The following FLI1 variants were observed in gnomAD, a reference collection of about 807,000 sequenced individuals.
FLI1 encodes the protein Friend leukemia integration 1 transcription factor.
FLI1 carries 13 observed loss-of-function variants against 53.1 expected under a neutral mutation model. That is an observed-to-expected ratio of 0.24 (90% CI 0.16 to 0.39). The LOEUF (loss-of-function observed/expected upper bound fraction) is 0.39, where lower values mean the gene tolerates loss of function less well. Among genes scored for constraint, FLI1 ranks in the 10% least tolerant of loss-of-function variants. The probability of loss-of-function intolerance (pLI) is 1.00; values close to 1 mark genes in which losing one functional copy is unlikely to be tolerated. For synonymous variants in FLI1, 244 were observed against 236.7 expected, an observed-to-expected ratio of 1.03 and a Z score of -0.28; for missense variants, 424 against 600.5, an observed-to-expected ratio of 0.71 and a Z score of 3.07.
intron 1 of FLI1, among the ~76,000 whole-genome samples, chr11:128,753,011 A>T (rs2135798961): frequency 6.6e-6 from 1 of 152,282 alleles, no homozygotes; most frequent in Admixed American, 6.5e-5. Context: ...CTCAGATGCC[A>T]CCCCAAGCAG....
chr11:128,809,118 T>A (rs768282389), intron 7 of FLI1, 39 bp from the exon 8 acceptor site: 18 of 1,585,828 alleles, frequency 1.1e-5, no homozygotes, highest in African/African-American at 5.4e-5. Flanking sequence ...TCATATTTTT[T>A]AAAAACACTG....
chr11:128,778,613 T>C (rs1941816689), intron 4 of FLI1, among the ~76,000 whole-genome samples: 1 of 152,224 alleles, frequency 6.6e-6, no homozygotes, highest in Admixed American at 6.5e-5. Context: ...TGGCTCTGTA[T>C]GGCTTATGCA....
At chr11:128,786,053 G>C (rs781174319) in intron 5 of FLI1, among the ~76,000 whole-genome samples, 4 of 152,152 alleles carry the variant, frequency 2.6e-5, no homozygotes, top group Non-Finnish European at 5.9e-5. Flanking sequence ...AAAAAATACT[G>C]ATGCCCAAGT....
At chr11:128,758,745 T>C (rs1940995087) in intron 2 of FLI1, among the ~76,000 whole-genome samples, 1 of 152,134 alleles carries the variant, frequency 6.6e-6, no homozygotes, top group African/African-American at 2.4e-5. Flanking sequence ...AACCATTCTT[T>C]AGTAAGAGTG....
intron 5 of FLI1, among the ~76,000 whole-genome samples, chr11:128,788,321 TAGTC>T (rs1186258889): frequency 2.0e-5 from 3 of 151,784 alleles, no homozygotes; most frequent in Non-Finnish European, 2.9e-5. Context: ...AATAAAAAAT[TAGTC>T]AGGTGTGGTG....
chr11:128,715,358 G>T (rs1591747096), intron 1 of FLI1, among the ~76,000 whole-genome samples: 2 of 152,138 alleles, frequency 1.3e-5, no homozygotes, highest in Admixed American at 1.3e-4. Context: ...CGTATTGCTT[G>T]CCTGTTGTTT....
rs575124354 is a variant in FLI1, at chr11:128,780,474, A to G, written c.590-1484A>G. On this transcript the variant is annotated intron_variant, in intron 4 of 8. Transcript: ENST00000527786. ...GCCGAGCATGGTGGCACATGCCTGT[A>G]ATCCCAGCTACTGGGGAAGCTGAGG... Among the ~76,000 whole-genome samples the G allele has an allele frequency of 1.5e-3, 232 of 152,354 alleles. 2 individuals are homozygous for G. Among genetic ancestry groups the G allele is most frequent in the Admixed American group, 0.014 (209 of 15,304 alleles).
chr11:128,699,341 T>A (rs1018079389), intron 1 of FLI1, among the ~76,000 whole-genome samples: 9 of 152,086 alleles, frequency 5.9e-5, no homozygotes, highest in African/African-American at 2.2e-4. Context: ...AAGAAAAGAG[T>A]TGGGAAAATT....
intron 2 of FLI1, among the ~76,000 whole-genome samples, chr11:128,760,884 C>G (rs1034282004): frequency 2.1e-4 from 32 of 152,094 alleles, no homozygotes; most frequent in African/African-American, 7.7e-4. Flanking sequence ...ACCTCCACTG[C>G]CCCTGCCTGG....
At chr11:128,708,478 T>G (rs1421575558) in intron 1 of FLI1, among the ~76,000 whole-genome samples, 1 of 152,148 alleles carries the variant, frequency 6.6e-6, no homozygotes, top group Non-Finnish European at 1.5e-5. Context: ...CCCTCTAAAG[T>G]GCTAATGTGG....
chr11:128,784,889 G>A (rs1942038694), intron 5 of FLI1, among the ~76,000 whole-genome samples: 1 of 152,232 alleles, frequency 6.6e-6, no homozygotes, highest in African/African-American at 2.4e-5. Context: ...CTGTGTGTGA[G>A]TGCACACTGG....
upstream of FLI1, among the ~76,000 whole-genome samples, chr11:128,690,263 C>A (rs906636572): frequency 6.6e-6 from 1 of 152,234 alleles, no homozygotes; most frequent in Non-Finnish European, 1.5e-5. Flanking sequence ...TCCCCCTTTG[C>A]CAGCTCGGAT....
intron 1 of FLI1, among the ~76,000 whole-genome samples, chr11:128,756,870 C>T (rs974241919): frequency 7.2e-5 from 11 of 152,090 alleles, no homozygotes; most frequent in South Asian, 4.1e-4. Context: ...AGCAGATCTC[C>T]GGAATGTGCA....
chr11:128,739,066 ACCAAACT>A (rs1309445773), intron 1 of FLI1, among the ~76,000 whole-genome samples: 1 of 152,204 alleles, frequency 6.6e-6, no homozygotes, highest in Non-Finnish European at 1.5e-5. Flanking sequence ...GCGGATAAGC[ACCAAACT>A]CGATGTTTAT....
At chr11:128,806,363 T>C (rs1423592947) in intron 6 of FLI1, 1 of 152,186 alleles carries the variant, frequency 6.6e-6, no homozygotes, top group Non-Finnish European at 1.5e-5. Context: ...GAGTTAGCTC[T>C]GGAAGGAGAG....
intron 1 of FLI1, among the ~76,000 whole-genome samples, chr11:128,755,388 A>G (rs1216504532): frequency 6.6e-6 from 1 of 152,194 alleles, no homozygotes; most frequent in Non-Finnish European, 1.5e-5. Context: ...CTGAAATGTC[A>G]TCTGTTTTTG....
intron 5 of FLI1, chr11:128,803,995 C>T (rs1942705112): frequency 6.6e-6 from 1 of 152,320 alleles, no homozygotes; most frequent in African/African-American, 2.4e-5. Flanking sequence ...TGCCCTTCCT[C>T]CCTATCCCAT....
chr11:128,734,483 A>G (rs919763312), intron 1 of FLI1, among the ~76,000 whole-genome samples: 1 of 152,254 alleles, frequency 6.6e-6, no homozygotes, highest in Non-Finnish European at 1.5e-5. Context: ...ATTGTGGCTG[A>G]AACCACGGTG....
intron 1 of FLI1, among the ~76,000 whole-genome samples, chr11:128,726,961 A>G (rs1939512665): frequency 6.6e-6 from 1 of 152,080 alleles, no homozygotes; most frequent in Admixed American, 6.5e-5. Context: ...TGTGTTCTGC[A>G]GGGGAGGGTG....
Sources: allele counts gnomAD v4.1 joint callset (sites outside exome capture counted in the v4.1 genomes callset), GRCh38; gene constraint gnomAD v4.1.1; transcripts MANE v1.5; gene names NCBI Gene and HGNC (gene_info 2026-07-23, HGNC 2026-07-21).